EEF1G: variants seen among roughly 807,000 people sequenced by gnomAD.
EEF1G encodes elongation factor 1-gamma.
A neutral mutation model predicts 58.3 loss-of-function variants in EEF1G; 14 were observed. The ratio of observed to expected loss-of-function variants is 0.24; its 90% confidence interval spans 0.16 to 0.38. The LOEUF (loss-of-function observed/expected upper bound fraction) is 0.38, where lower values mean the gene tolerates loss of function less well. Ranked by LOEUF, EEF1G falls within the 10% of genes least tolerant of loss-of-function variation. EEF1G has a pLI of 1.00. For missense variants in EEF1G, 322 were observed against 550.1 expected, an observed-to-expected ratio of 0.59 and a Z score of 4.15; for synonymous variants, 180 against 206.8, an observed-to-expected ratio of 0.87 and a Z score of 1.11.
chr11:62,563,658 G>A (rs1483337421), intron 7 of EEF1G, among the ~76,000 whole-genome samples: 1 of 152,132 alleles, frequency 6.6e-6, no homozygotes, highest in Non-Finnish European at 1.5e-5. Flanking sequence ...TGTTTAGTTG[G>A]TTCTATTGTT....
At chr11:62,563,967 G>T (rs563417308) in intron 7 of EEF1G, among the ~76,000 whole-genome samples, 1 of 152,284 alleles carries the variant, frequency 6.6e-6, no homozygotes, top group South Asian at 2.1e-4. Flanking sequence ...TTGAGACAGG[G>T]TCTTGCTCAG....
At chr11:62,573,699 G>A in intron 1 of EEF1G, 132 bp downstream of exon 1, 2 of 1,305,686 alleles carry the variant, frequency 1.5e-6, no homozygotes, top group Non-Finnish European at 2.2e-6. Flanking sequence ...CTACTCTCCA[G>A]CAGTACAGTC....
chr11:62,570,533 G>A (rs1395036342), intron 5 of EEF1G, among the ~76,000 whole-genome samples: 4 of 152,098 alleles, frequency 2.6e-5, no homozygotes, highest in Admixed American at 6.6e-5. Flanking sequence ...AGCAAGTGAT[G>A]GTACTCAGTC....
chr11:62,563,954 G>A (rs1004670884), intron 7 of EEF1G, among the ~76,000 whole-genome samples: 4 of 152,114 alleles, frequency 2.6e-5, no homozygotes, highest in East Asian at 1.9e-4. Context: ...CAAGCTATTT[G>A]TTTTGAGACA....
chr11:62,567,180 A>T (rs1941566899), intron 6 of EEF1G, 170 bp from the exon 7 acceptor site: 1 of 913,734 alleles, frequency 1.1e-6, no homozygotes, highest in East Asian at 2.6e-5. Context: ...GCAACAACAC[A>T]CTCAGCAACA....
At chr11:62,565,963 A>C (rs1359110544) in intron 7 of EEF1G, among the ~76,000 whole-genome samples, 1 of 152,194 alleles carries the variant, frequency 6.6e-6, no homozygotes, top group Admixed American at 6.5e-5. Context: ...TAGCAGACCA[A>C]GCAGTAAAAA....
At chr11:62,566,542 A>G (rs1457399591) in intron 7 of EEF1G, among the ~76,000 whole-genome samples, 1 of 152,200 alleles carries the variant, frequency 6.6e-6, no homozygotes, top group Non-Finnish European at 1.5e-5. Flanking sequence ...ACTTACCACT[A>G]TATCAAAATC....
intron 5 of EEF1G, among the ~76,000 whole-genome samples, chr11:62,569,076 T>TACAC (rs759930957): frequency 3.5e-5 from 5 of 143,810 alleles, no homozygotes; most frequent in Non-Finnish European, 8.0e-5. Flanking sequence ...GGCCATACTA[T>TACAC]ACACACACGC....
At chr11:62,562,871 C>T (rs751260870) in intron 7 of EEF1G, among the ~76,000 whole-genome samples, 5 of 152,138 alleles carry the variant, frequency 3.3e-5, no homozygotes, top group Non-Finnish European at 5.9e-5. Flanking sequence ...TTTGTTGTTA[C>T]TGGACATCCT....
chr11:62,566,678 C>T (rs180689846), intron 7 of EEF1G, 128 bp downstream of exon 7: 1 of 924,868 alleles, frequency 1.1e-6, no homozygotes, highest in Admixed American at 3.0e-5. Context: ...TTATTTGCAA[C>T]TAAAATATAC....
Position 62,573,857 on chromosome 11 carries a change from G to A in EEF1G, c.-15C>T, listed in dbSNP as rs748118824. The A allele has an allele frequency of 1.4e-5, 23 of 1,613,658 alleles. No individual in the cohort carries two copies. Among genetic ancestry groups the A allele is most frequent in the Non-Finnish European group, 1.9e-5 (23 of 1,179,870 alleles). Reference sequence around the variant, plus strand: ...CCAGCCGCCATGGTGATTCCGCAAAGAAAGGGGGTGGGGTTCTCGGCGCTG... The same window carrying A: ...CCAGCCGCCATGGTGATTCCGCAAAAAAAGGGGGTGGGGTTCTCGGCGCTG... On this transcript the variant is annotated 5_prime_UTR_variant, in exon 1 of 10. Transcript: ENST00000329251.
rs1941478035 is a variant in EEF1G at position 62,560,121 on chromosome 11, C to T, written c.1103G>A (p.Ser368Asn). 1 of 1,613,930 alleles carries T rather than the reference C, an allele frequency of 6.2e-7. No individual in the cohort carries two copies. The highest frequency in any genetic ancestry group is 1.3e-5 in the African/African-American group (1 of 74,942). The change falls in exon 9 of 10, where the codon AGC becomes AAC. Residue 368 changes from serine (S) to asparagine (N), a missense_variant. Coordinates refer to ENST00000329251, the MANE Select transcript of EEF1G (RefSeq NM_001404.5). ...ASVILFGTNN[S>N]SSISGVWVFR... Reference sequence around the variant, plus strand: ...GACCCAGACTCCAGAAATGGAGCTGCTATTGTTGGTTCCAAAAAGGATGAC... The same window carrying T: ...GACCCAGACTCCAGAAATGGAGCTGTTATTGTTGGTTCCAAAAAGGATGAC...
intron 7 of EEF1G, among the ~76,000 whole-genome samples, chr11:62,564,102 A>C (rs370495735): frequency 6.6e-6 from 1 of 152,242 alleles, no homozygotes; most frequent in East Asian, 1.9e-4. Context: ...GGGTCTTAAA[A>C]GAACTAGAAT....
intron 5 of EEF1G, 91 bp from the exon 6 acceptor site, chr11:62,567,619 G>A (rs769005740): frequency 1.6e-5 from 21 of 1,320,636 alleles, no homozygotes; most frequent in Non-Finnish European, 2.0e-5. Context: ...CTAAGTCCCA[G>A]TGCTCACCTT....
intron 7 of EEF1G, among the ~76,000 whole-genome samples, chr11:62,565,547 C>T (rs1388345867): frequency 6.6e-6 from 1 of 151,618 alleles, no homozygotes; most frequent in African/African-American, 2.4e-5. Context: ...TATTTCCTGC[C>T]CAGAGTACTG....
Position 62,573,827 on chromosome 11 carries a change from T to C in EEF1G, c.12+4A>G, listed in dbSNP as rs1457384874. 3.1e-6 allele frequency: 5 copies of C among 1,613,518 alleles called. No homozygotes were observed. In the South Asian group the frequency reaches 4.4e-5, roughly 14 times the overall value. On this transcript the variant is annotated splice_donor_region_variant and intron_variant, in intron 1 of 9. Transcript: ENST00000329251. ...ACCCGAACCACCAGAGCCAGCAAAC[T>C]TACCCCAGCCGCCATGGTGATTCCG...
chr11:62,568,608 T>C (rs1384063138), intron 5 of EEF1G, among the ~76,000 whole-genome samples: 1 of 151,998 alleles, frequency 6.6e-6, no homozygotes, highest in Non-Finnish European at 1.5e-5. Flanking sequence ...ATCCTCCATT[T>C]AGGAGTAGGA....
rs763026799 is a variant in EEF1G, at chr11:62,567,026, G to C, written c.653-16C>G. The stretch of plus-strand genomic sequence containing the variant: ...AACTTTTTAGCTGGTGCAGAGGAAG[G>C]CAGGAAAGTGAACGAATGTTCTGCC... On this transcript the variant is annotated splice_polypyrimidine_tract_variant and intron_variant, in intron 6 of 9. Transcript: ENST00000329251. 11 of 1,612,946 alleles carry C rather than the reference G, an allele frequency of 6.8e-6. No homozygotes were observed. In the South Asian group the frequency reaches 9.9e-5, roughly 14 times the overall value.
rs111397399 is a variant in EEF1G at position 62,565,386 on chromosome 11, C to A, written c.857+1420G>T. Among the ~76,000 whole-genome samples the A allele has an allele frequency of 2.7e-3, 372 of 137,364 alleles. 4 individuals are homozygous for A. Among genetic ancestry groups the A allele is most frequent in the African/African-American group, 9.1e-3 (339 of 37,230 alleles). 90.1% of individuals were successfully genotyped at this position (137,364 alleles called of 152,430 possible). A position where few individuals can be genotyped will look rare whatever the true frequency, so the allele number is the denominator to read the frequency against. On this transcript the variant is annotated intron_variant, in intron 7 of 9. Transcript: ENST00000329251. The stretch of plus-strand genomic sequence containing the variant: ...GGACAACAAAGTAAAACCCTGTTTC[C>A]AAAAAAAAAAACCTTGGGGAAAGCA...
Sources: gnomAD v4.1 joint callset for allele counts (sites outside exome capture counted in the v4.1 genomes callset) on GRCh38, gnomAD v4.1.1 for gene constraint, MANE v1.5 for transcripts, NCBI Gene and HGNC (gene_info 2026-07-23, HGNC 2026-07-21) for gene names.